Variants in TBC1D9 observed in about 807,000 individuals in gnomAD.
The protein encoded by TBC1D9 is TBC1 domain family member 9.
A neutral mutation model predicts 132.0 loss-of-function variants in TBC1D9; 63 were observed. That is an observed-to-expected ratio of 0.48 (90% confidence interval 0.39 to 0.59). TBC1D9 has a LOEUF of 0.59. Ranked by LOEUF, TBC1D9 falls within the 20% of genes least tolerant of loss-of-function variation. TBC1D9 has a pLI of 0.00. For synonymous variants in TBC1D9, 610 were observed against 609.9 expected (o/e 1.00, Z 0.00); for missense variants, 1,261 against 1,592.7 (o/e 0.79, Z 3.54).
chr4:140,713,844 G>A (rs1243025902), intron 1 of TBC1D9, among the ~76,000 whole-genome samples: 1 of 151,972 alleles, frequency 6.6e-6, no homozygotes, highest in East Asian at 1.9e-4. Context: ...CAATGTACAT[G>A]TATTATAATC....
chr4:140,753,864 A>T (rs1326923044), intron 1 of TBC1D9, among the ~76,000 whole-genome samples: 1 of 152,202 alleles, frequency 6.6e-6, no homozygotes, highest in African/African-American at 2.4e-5. Context: ...AATATACTAC[A>T]CATTGTGTAA....
chr4:140,645,246 A>G, intron 13 of TBC1D9: 1 of 531,110 alleles, frequency 1.9e-6, no homozygotes, highest in South Asian at 1.4e-5. Flanking sequence ...GTGTCCACAC[A>G]GTCCTCATCT....
intron 13 of TBC1D9, among the ~76,000 whole-genome samples, chr4:140,652,747 A>T (rs1372474429): frequency 2.6e-5 from 4 of 152,240 alleles, no homozygotes; most frequent in African/African-American, 9.6e-5. Context: ...CACACATGGC[A>T]GGCTCTCGAT....
intron 1 of TBC1D9, among the ~76,000 whole-genome samples, chr4:140,736,661 A>G (rs1382070392): frequency 1.3e-5 from 2 of 152,180 alleles, no homozygotes; most frequent in African/African-American, 4.8e-5. Flanking sequence ...ACTGCAAAAC[A>G]GAGAACAGGA....
At chr4:140,670,389 T>A (rs1216196351) in intron 7 of TBC1D9, among the ~76,000 whole-genome samples, 1 of 152,242 alleles carries the variant, frequency 6.6e-6, no homozygotes, top group Non-Finnish European at 1.5e-5. Flanking sequence ...TGATTTGTAT[T>A]TCAGGTTTGA....
At chr4:140,677,519 G>A (rs1460252425) in intron 5 of TBC1D9, among the ~76,000 whole-genome samples, 2 of 152,112 alleles carry the variant, frequency 1.3e-5, no homozygotes, top group African/African-American at 4.8e-5. Flanking sequence ...GGGCCTCAGT[G>A]TCCACCCCAA....
chr4:140,717,084 T>C (rs937786056), intron 1 of TBC1D9, among the ~76,000 whole-genome samples: 1 of 152,194 alleles, frequency 6.6e-6, no homozygotes, highest in Non-Finnish European at 1.5e-5. Flanking sequence ...CTGCAAGAAT[T>C]TATTTTATGC....
At chr4:140,724,297 TGTTAATA>T (rs1738466298) in intron 1 of TBC1D9, among the ~76,000 whole-genome samples, 1 of 152,204 alleles carries the variant, frequency 6.6e-6, no homozygotes, top group Non-Finnish European at 1.5e-5. Context: ...GGAGCTGGTC[TGTTAATA>T]GTTCAATAGG....
chr4:140,651,541 G>A (rs1444036043), intron 13 of TBC1D9, among the ~76,000 whole-genome samples: 1 of 152,100 alleles, frequency 6.6e-6, no homozygotes, highest in Non-Finnish European at 1.5e-5. Flanking sequence ...CTAACTTATA[G>A]GTCCACATTT....
At chr4:140,628,167 G>C (rs1736737249) in intron 17 of TBC1D9, 133 bp downstream of exon 17, 9 of 692,100 alleles carry the variant, frequency 1.3e-5, no homozygotes, top group Middle Eastern at 4.8e-4. Context: ...AATTGTCATT[G>C]TTCAGTTAGT....
At chr4:140,663,999 G>A (rs1306860690) in intron 9 of TBC1D9, among the ~76,000 whole-genome samples, 6 of 145,756 alleles carry the variant, frequency 4.1e-5, no homozygotes, top group Non-Finnish European at 9.0e-5. Flanking sequence ...AATTTGCTAA[G>A]AGGGTAGATC....
rs146789431 is a variant in TBC1D9 at position 140,708,599 on chromosome 4, G to A, written c.131-6985C>T. Among the ~76,000 whole-genome samples the A allele has an allele frequency of 4.9e-3, 747 of 152,312 alleles. 4 individuals carry two copies. The highest frequency in any genetic ancestry group is 0.017 in the African/African-American group (687 of 41,572). On this transcript the variant is annotated intron_variant, in intron 1 of 20. Transcript: ENST00000442267. ...GCCAGGGGACCAAGGGAGGGATTAG[G>A]AAAATGGTTCTGTGTGCAGGTGTGA... is the stretch of plus-strand genomic sequence containing the variant.
chr4:140,666,416 A>G (rs1360939464), intron 9 of TBC1D9, among the ~76,000 whole-genome samples: 1 of 152,144 alleles, frequency 6.6e-6, no homozygotes, highest in Non-Finnish European at 1.5e-5. Context: ...GCTCACTGCA[A>G]GCTCCGCCTC....
intron 13 of TBC1D9, among the ~76,000 whole-genome samples, chr4:140,648,385 G>GTTTTTTTTTTT (rs1243797618): frequency 8.2e-6 from 1 of 121,870 alleles, no homozygotes; most frequent in Non-Finnish European, 1.8e-5. Flanking sequence ...TTTTGTTGTT[G>GTTTTTTTTTTT]TTTTTTTTTT....
At chr4:140,643,933 C>T (rs1737054950) in intron 13 of TBC1D9, 2 of 660,794 alleles carry the variant, frequency 3.0e-6, no homozygotes, top group Non-Finnish European at 5.6e-6. Flanking sequence ...GGGCGCTCGT[C>T]CACATCCTCC....
intron 1 of TBC1D9, among the ~76,000 whole-genome samples, chr4:140,735,313 G>A (rs1532013): frequency 0.41 from 62,348 of 151,810 alleles, 13,750 homozygotes; most frequent in South Asian, 0.57. Context: ...AGTGGAAAAA[G>A]AAAAGTATTT....
At chr4:140,625,185 G>T (rs1293389723) in intron 18 of TBC1D9, among the ~76,000 whole-genome samples, 2 of 152,112 alleles carry the variant, frequency 1.3e-5, no homozygotes, top group Non-Finnish European at 2.9e-5. Context: ...ATATGAGACA[G>T]ATTTTTTTTG....
rs776960675 is a variant in TBC1D9 at position 140,670,924 on chromosome 4, C to T, written c.1062G>A (p.Val354=). The change falls in exon 7 of 21, where the codon GTG becomes GTA. Residue 354 remains valine, a splice_region_variant and synonymous_variant. Transcript: ENST00000442267. ...AGCTGTCTGCCTTTTCCACAATTGT[C>T]ACCTGAAAAGAAGTGGGAAACAAAG... ...LCSLIIPLRE[V]TIVEKADSSS... 1 of 1,613,726 alleles carries T rather than the reference C, an allele frequency of 6.2e-7. No individual in the cohort carries two copies. Among genetic ancestry groups the T allele is most frequent in the East Asian group, 2.2e-5 (1 of 44,884 alleles).
At chr4:140,650,875 C>T (rs1268589194) in intron 13 of TBC1D9, among the ~76,000 whole-genome samples, 1 of 152,102 alleles carries the variant, frequency 6.6e-6, no homozygotes, top group Non-Finnish European at 1.5e-5. Flanking sequence ...TAAAGTTCAG[C>T]CTCTATAAAG....
Sources: allele counts gnomAD v4.1 joint callset (sites outside exome capture counted in the v4.1 genomes callset), GRCh38; gene constraint gnomAD v4.1.1; transcripts MANE v1.5; gene names NCBI Gene and HGNC (gene_info 2026-07-23, HGNC 2026-07-21).